Variants in DGKB observed in about 807,000 individuals in gnomAD.
The protein encoded by DGKB is 90 kDa diacylglycerol kinase.
In DGKB, 67 loss-of-function variants were observed where a neutral mutation model predicts 114.3. The ratio of observed to expected loss-of-function variants is 0.59; its 90% CI spans 0.48 to 0.72. The LOEUF is 0.72. Among genes scored for constraint, DGKB ranks in the 30% least tolerant of loss-of-function variants. The pLI is 0.00. For missense variants in DGKB, 907 were observed against 975.2 expected (o/e 0.93, Z 0.93); for synonymous variants, 398 against 323.1 (o/e 1.23, Z -2.49).
At chr7:14,407,494 T>G (rs534428054) in intron 21 of DGKB, among the ~76,000 whole-genome samples, 60 of 152,140 alleles carry the variant, frequency 3.9e-4, no homozygotes, top group African/African-American at 1.3e-3. Context: ...GAGGGCAGGC[T>G]GATGGAGAAG....
intron 23 of DGKB, among the ~76,000 whole-genome samples, chr7:14,281,434 C>T (rs1799936891): frequency 7.1e-6 from 1 of 141,078 alleles, no homozygotes; most frequent in Non-Finnish European, 1.5e-5. Context: ...ACCCCACTGT[C>T]AACATTAGAC....
At chr7:14,291,042 T>C (rs1176695931) in intron 23 of DGKB, among the ~76,000 whole-genome samples, 1 of 146,766 alleles carries the variant, frequency 6.8e-6, no homozygotes, top group Non-Finnish European at 1.5e-5. Context: ...CTTGGGAGGC[T>C]GAGGCAGGAG....
chr7:14,236,466 A>G (rs1303880972), intron 23 of DGKB, among the ~76,000 whole-genome samples: 1 of 151,860 alleles, frequency 6.6e-6, no homozygotes, highest in African/African-American at 2.4e-5. Context: ...ACTAAAGAAG[A>G]AAAAAAACTT....
In DGKB at chr7:14,167,078, G is replaced by C. The variant is rs538022543; in HGVS notation, c.2304+9761C>G. Among the ~76,000 whole-genome samples the C allele has an allele frequency of 2.0e-5, 3 of 152,090 alleles. No individual in the cohort carries two copies. The South Asian group carries it at 6.2e-4, about 32-fold the overall frequency. On this transcript the variant is annotated intron_variant, in intron 25 of 25. Transcript: ENST00000402815. ...TACAAAAAATTACCTGAGCGTAGTA[G>C]TGTGTGCCTGTAGTCCCAGCTACTA...
chr7:14,854,602 G>A (rs1281661476), intron 1 of DGKB, among the ~76,000 whole-genome samples: 3 of 152,082 alleles, frequency 2.0e-5, no homozygotes, highest in Admixed American at 6.6e-5. Context: ...ATCTAATGCG[G>A]CTGCTGATCT....
intron 1 of DGKB, among the ~76,000 whole-genome samples, chr7:14,912,133 A>T (rs1587366367): frequency 6.6e-6 from 1 of 152,188 alleles, no homozygotes; most frequent in Non-Finnish European, 1.5e-5. Context: ...CCAAGTGGAC[A>T]TATATTAGAT....
chr7:14,257,158 T>G (rs1562760101), intron 23 of DGKB, among the ~76,000 whole-genome samples: 1 of 152,150 alleles, frequency 6.6e-6, no homozygotes. Context: ...TTTTTTATTC[T>G]GTCATTTATT....
chr7:14,557,647 T>C (rs2128661433), intron 20 of DGKB, among the ~76,000 whole-genome samples: 1 of 152,198 alleles, frequency 6.6e-6, no homozygotes, highest in East Asian at 1.9e-4. Flanking sequence ...CATATGCATA[T>C]TGGCTTTTGA....
chr7:14,740,475 C>T (rs1291734010), intron 4 of DGKB, among the ~76,000 whole-genome samples: 2 of 152,032 alleles, frequency 1.3e-5, no homozygotes, highest in Admixed American at 6.5e-5. Flanking sequence ...TTGAGAGGAC[C>T]CAATTTTAGA....
At chr7:14,271,746 C>T (rs930170263) in intron 23 of DGKB, among the ~76,000 whole-genome samples, 12 of 152,180 alleles carry the variant, frequency 7.9e-5, no homozygotes, top group African/African-American at 2.7e-4. Flanking sequence ...TTAGTTGGGA[C>T]TTAGACGGGA....
chr7:14,483,475 A>G (rs1216271397), intron 20 of DGKB, among the ~76,000 whole-genome samples: 1 of 152,184 alleles, frequency 6.6e-6, no homozygotes, highest in Non-Finnish European at 1.5e-5. Flanking sequence ...TAAGTTGATG[A>G]CGTAAAGGAC....
At chr7:14,259,427 AT>A in intron 23 of DGKB, among the ~76,000 whole-genome samples, 1 of 137,876 alleles carries the variant, frequency 7.3e-6, no homozygotes, top group South Asian at 2.3e-4. Flanking sequence ...ATATATATAT[AT>A]GGTTTTGTTT....
chr7:14,911,079 A>AAT (rs527566084), intron 1 of DGKB, among the ~76,000 whole-genome samples: 67 of 151,960 alleles, frequency 4.4e-4, no homozygotes, highest in Admixed American at 7.9e-4. Flanking sequence ...CATTAATCTT[A>AAT]ATATATATAT....
intron 23 of DGKB, among the ~76,000 whole-genome samples, chr7:14,226,089 A>T (rs905335556): frequency 6.6e-5 from 10 of 152,078 alleles, no homozygotes; most frequent in African/African-American, 2.2e-4. Flanking sequence ...GGATTGAGAA[A>T]ATGTCCAATC....
At chr7:14,926,563 C>A (rs76729808) in intron 1 of DGKB, among the ~76,000 whole-genome samples, 1 of 150,812 alleles carries the variant, frequency 6.6e-6, no homozygotes, top group Middle Eastern at 3.4e-3. Context: ...CGTCATGGAA[C>A]CAGAAGTCCC....
At position 14,700,212 on chromosome 7, in the gene DGKB, A is replaced by AT. The variant is rs3071277; in HGVS notation, c.516+1468dup. Among the ~76,000 whole-genome samples, 600 of 131,194 alleles carry AT rather than the reference A, an allele frequency of 4.6e-3. 3 individuals are homozygous for AT. Among genetic ancestry groups the AT allele is most frequent in the East Asian group, 0.013 (52 of 3,970 alleles). 86.1% of individuals were successfully genotyped at this position (131,194 alleles called of 152,430 possible). On this transcript the variant is annotated intron_variant, in intron 7 of 25. Transcript: ENST00000402815. ...TAAAAATAATAGCATTTGAAAAAAA[A>AT]TTTTTTTTTTTTTTTTTTTGAGATG...
At chr7:14,836,602 G>C (rs1386442593) in intron 2 of DGKB, among the ~76,000 whole-genome samples, 1 of 152,168 alleles carries the variant, frequency 6.6e-6, no homozygotes, top group African/African-American at 2.4e-5. Flanking sequence ...TTCTCTAAAG[G>C]GCAGGAGTGA....
chr7:14,268,839 T>C (rs1797887006), intron 23 of DGKB: 1 of 152,234 alleles, frequency 6.6e-6, no homozygotes, highest in South Asian at 2.1e-4. Flanking sequence ...TTGGCTTTGA[T>C]AGTGTCTCTG....
At chr7:14,764,333 A>G (rs1053307188) in intron 2 of DGKB, among the ~76,000 whole-genome samples, 1 of 152,064 alleles carries the variant, frequency 6.6e-6, no homozygotes, top group Non-Finnish European at 1.5e-5. Context: ...AAATTGTATT[A>G]ATTGTTGTGC....
Sources: allele counts gnomAD v4.1 joint callset (sites outside exome capture counted in the v4.1 genomes callset), GRCh38; gene constraint gnomAD v4.1.1; transcripts MANE v1.5; gene names NCBI Gene and HGNC (gene_info 2026-07-23, HGNC 2026-07-21).